SUPT5H: variants seen among roughly 807,000 people sequenced by gnomAD.
SUPT5H encodes transcription elongation factor SPT5.
A neutral mutation model predicts 142.5 loss-of-function variants in SUPT5H; 24 were observed. The ratio of observed to expected loss-of-function variants is 0.17; its 90% confidence interval spans 0.12 to 0.24. The LOEUF (loss-of-function observed/expected upper bound fraction) is 0.24, where lower values mean the gene tolerates loss of function less well. SUPT5H is among the 10% of genes least tolerant of loss of function. SUPT5H has a pLI of 1.00. For synonymous variants in SUPT5H, 546 were observed against 553.0 expected, an observed-to-expected ratio of 0.99 and a Z score of 0.18; for missense variants, 893 against 1,471.8, an observed-to-expected ratio of 0.61 and a Z score of 6.43.
In SUPT5H at chr19:39,472,789, G is replaced by A. The variant is rs1483010217; in HGVS notation, c.2036-21G>A. On this transcript the variant is annotated intron_variant, in intron 21 of 29. Transcript: ENST00000432763. This position sits in a 1 kb window ranked among gnomAD's most constrained non-coding sequence, Gnocchi z 4.2. ...GTGGGCACAGCCGTGGGGGACCAGT[G>A]ACATTCTCCCCAATCCCCAGGTCAG... 1.2e-6 allele frequency: 2 copies of A among 1,605,278 alleles called. No individual in the cohort carries two copies. The highest frequency in any genetic ancestry group is 1.7e-6 in the Non-Finnish European group (2 of 1,175,360).
Position 39,472,799 on chromosome 19 carries a change from C to T in SUPT5H, c.2036-11C>T. On this transcript the variant is annotated splice_polypyrimidine_tract_variant and intron_variant, in intron 21 of 29. Transcript: ENST00000432763. This position sits in a 1 kb window ranked among gnomAD's most constrained non-coding sequence, Gnocchi z 4.2. Reference sequence around the variant, plus strand: ...CCGTGGGGGACCAGTGACATTCTCCCCAATCCCCAGGTCAGCGTGGCGGCT... The same window carrying T: ...CCGTGGGGGACCAGTGACATTCTCCTCAATCCCCAGGTCAGCGTGGCGGCT... 1 of 1,609,280 alleles carries T rather than the reference C, an allele frequency of 6.2e-7. No homozygotes were observed. Among genetic ancestry groups the T allele is most frequent in the Non-Finnish European group, 8.5e-7 (1 of 1,177,470 alleles).
rs899534570 is a variant in SUPT5H, at chr19:39,466,671, A to T, written c.967-4A>T. On this transcript the variant is annotated splice_region_variant and splice_polypyrimidine_tract_variant and intron_variant, in intron 12 of 29. Coordinates refer to ENST00000432763, the MANE Select transcript of SUPT5H (RefSeq NM_001111020.3). This position sits in a 1 kb window ranked among gnomAD's most constrained non-coding sequence, Gnocchi z 4.3. ...CTTCCCACCCATGCCCCTTTCCTCC[A>T]TAGAAAGACTGGTTTGCCAAAAGGA... The T allele has an allele frequency of 1.2e-6, 2 of 1,611,670 alleles. No homozygotes were observed. The highest frequency in any genetic ancestry group is 2.2e-5 in the East Asian group (1 of 44,810).
rs2079119134 is a variant in SUPT5H, at chr19:39,458,360, C to T, written c.319+55C>T. 2 of 1,608,832 alleles carry T rather than the reference C, an allele frequency of 1.2e-6. No individual in the cohort carries two copies. The highest frequency in any genetic ancestry group is 1.7e-5 in the Admixed American group (1 of 59,840). On this transcript the variant is annotated intron_variant, in intron 5 of 29. Coordinates refer to ENST00000432763, the MANE Select transcript of SUPT5H (RefSeq NM_001111020.3). The surrounding 1 kb of genome is among the most constrained non-coding windows in gnomAD (Gnocchi z 4.2). ...CCTTCCTCCCATATCCTGACATTTCCTCCTTCCTGAGGCACCTGCCCTCAC... is the reference window on the plus strand; with the variant it reads ...CCTTCCTCCCATATCCTGACATTTCTTCCTTCCTGAGGCACCTGCCCTCAC...
intron 28 of SUPT5H, 90 bp from the exon 29 acceptor site, chr19:39,475,991 A>G (rs923604097): frequency 1.4e-5 from 18 of 1,245,388 alleles, no homozygotes; most frequent in African/African-American, 3.0e-5. Context: ...GAGTTCTCAG[A>G]ATGAGCCCTG....
chr19:39,456,512 G>A (rs2079092502), intron 3 of SUPT5H, among the ~76,000 whole-genome samples: 1 of 151,396 alleles, frequency 6.6e-6, no homozygotes, highest in South Asian at 2.1e-4. Context: ...TCCACCTCCC[G>A]GGTTCAAGCA....
At chr19:39,448,725 G>A (rs2078983364) in intron 2 of SUPT5H, among the ~76,000 whole-genome samples, 1 of 152,070 alleles carries the variant, frequency 6.6e-6, no homozygotes, top group African/African-American at 2.4e-5. Flanking sequence ...GGTAGGGATG[G>A]CAAATAATGA....
intron 28 of SUPT5H, among the ~76,000 whole-genome samples, chr19:39,475,383 CA>C (rs2079389966): frequency 8.4e-6 from 1 of 118,668 alleles, no homozygotes; most frequent in South Asian, 2.8e-4. Flanking sequence ...GGTGACAGAG[CA>C]AGACTCCTCA....
rs1345102213 is a variant in SUPT5H, at chr19:39,474,776, C to A, written c.3024+58C>A. ...CATCCTCTCCTTGGTACCCCCTAAA[C>A]TGGAGACAGACCTGTCCCCAGATGG... On this transcript the variant is annotated intron_variant, in intron 28 of 29. Transcript: ENST00000432763. This position sits in a 1 kb window ranked among gnomAD's most constrained non-coding sequence, Gnocchi z 6.5. 7.8e-6 allele frequency: 12 copies of A among 1,534,432 alleles called. No homozygotes were observed. The highest frequency in any genetic ancestry group is 1.1e-5 in the Non-Finnish European group (12 of 1,132,656).
chr19:39,459,129 A>G, intron 7 of SUPT5H, 55 bp from the exon 8 acceptor site: 1 of 1,610,470 alleles, frequency 6.2e-7, no homozygotes, highest in Non-Finnish European at 8.5e-7. Flanking sequence ...CTAAGCGGGA[A>G]GGGGCGGGGA....
chr19:39,472,607 G>T lies in SUPT5H; in HGVS notation c.2035+114G>T. 7.1e-7 allele frequency: 1 copy of T among 1,398,650 alleles called. No individual in the cohort carries two copies. The highest frequency in any genetic ancestry group is 9.8e-7 in the Non-Finnish European group (1 of 1,019,708). The allele number at this position is 1,398,650 out of a possible 1,614,324, so 86.6% of individuals were successfully genotyped here. On this transcript the variant is annotated intron_variant, in intron 21 of 29. Transcript: ENST00000432763. This position sits in a 1 kb window ranked among gnomAD's most constrained non-coding sequence, Gnocchi z 4.2. ...GCTGGGCTGGGCACTGCTATTAGGG[G>T]TTCACCACCCACAGGAGGGTAGACG...
At chr19:39,448,110 A>C (rs1239529697) in intron 2 of SUPT5H, among the ~76,000 whole-genome samples, 1 of 152,120 alleles carries the variant, frequency 6.6e-6, no homozygotes, top group Non-Finnish European at 1.5e-5. Context: ...AGTTCCCAGG[A>C]TATGTTAGTT....
intron 10 of SUPT5H, among the ~76,000 whole-genome samples, chr19:39,460,746 C>T (rs1312183682): frequency 6.6e-6 from 1 of 152,142 alleles, no homozygotes; most frequent in Non-Finnish European, 1.5e-5. Flanking sequence ...ATGTCCAGCT[C>T]TCAGCTAGGA....
At chr19:39,459,137 G>T in intron 7 of SUPT5H, 47 bp from the exon 8 acceptor site, 1 of 1,612,546 alleles carries the variant, frequency 6.2e-7, no homozygotes, top group Non-Finnish European at 8.5e-7. Flanking sequence ...GAAGGGGCGG[G>T]GATCTGACAG....
At chr19:39,457,572 C>T (rs1277080770) in intron 3 of SUPT5H, 103 bp from the exon 4 acceptor site, 20 of 1,547,210 alleles carry the variant, frequency 1.3e-5, no homozygotes, top group African/African-American at 5.4e-5. Flanking sequence ...CTGCTCTGTG[C>T]GGTGGGGATT....
rs917261466 is a variant in SUPT5H, at chr19:39,466,148, G to A, written c.877-332G>A. Among the ~76,000 whole-genome samples, 3 of 152,184 alleles carry A rather than the reference G, an allele frequency of 2.0e-5. No individual in the cohort carries two copies. The highest frequency in any genetic ancestry group is 4.4e-5 in the Non-Finnish European group (3 of 68,034). Reference sequence around the variant, plus strand: ...GTGTGGGTGTAAGAGAAACAAAGGAGTCAAGAGTGGCTCCCAGGTTGTGTG... The same window carrying A: ...GTGTGGGTGTAAGAGAAACAAAGGAATCAAGAGTGGCTCCCAGGTTGTGTG... On this transcript the variant is annotated intron_variant, in intron 11 of 29. Transcript: ENST00000432763. This position sits in a 1 kb window ranked among gnomAD's most constrained non-coding sequence, Gnocchi z 4.3.
Position 39,466,385 on chromosome 19 carries a change from C to A in SUPT5H, c.877-95C>A. The A allele has an allele frequency of 1.7e-6, 2 of 1,166,876 alleles. No individual in the cohort carries two copies. The highest frequency in any genetic ancestry group is 2.5e-6 in the Non-Finnish European group (2 of 787,278). The allele number at this position is 1,166,876 out of a possible 1,614,324, so 72.3% of individuals were successfully genotyped here. ...GCCTGGTTTCTTCCCCACCATCCTG[C>A]GTCCCTTCTCCTTCCTAGCATCTCC... On this transcript the variant is annotated intron_variant, in intron 11 of 29. Transcript: ENST00000432763. The surrounding 1 kb of genome is among the most constrained non-coding windows in gnomAD (Gnocchi z 4.3).
intron 18 of SUPT5H, among the ~76,000 whole-genome samples, chr19:39,471,051 G>A (rs1345853714): frequency 6.6e-6 from 1 of 152,158 alleles, no homozygotes. Flanking sequence ...TACGGGGCCT[G>A]ACACAGAATG....
intron 2 of SUPT5H, among the ~76,000 whole-genome samples, chr19:39,449,190 G>A (rs1481618097): frequency 6.6e-6 from 1 of 151,988 alleles, no homozygotes; most frequent in Non-Finnish European, 1.5e-5. Context: ...CAGTTTTATA[G>A]ATACACAGTT....
chr19:39,453,785 T>C (rs2079050938), intron 3 of SUPT5H, among the ~76,000 whole-genome samples: 1 of 152,284 alleles, frequency 6.6e-6, no homozygotes, highest in African/African-American at 2.4e-5. Flanking sequence ...CAGGGTGGTC[T>C]CAATCTCCTG....
Sources: gnomAD v4.1 joint callset for allele counts (sites outside exome capture counted in the v4.1 genomes callset) on GRCh38, gnomAD v4.1.1 for gene constraint, Gnocchi (gnomAD v3.1) non-coding constraint, MANE v1.5 for transcripts, NCBI Gene and HGNC (gene_info 2026-07-23, HGNC 2026-07-21) for gene names.